CMTM7: variants seen among roughly 807,000 people sequenced by gnomAD.
CMTM7 encodes the protein CKLF like MARVEL transmembrane domain containing 7.
CMTM7 carries 7 observed loss-of-function variants against 19.3 expected under a neutral mutation model. That is an observed-to-expected ratio of 0.36 (90% confidence interval 0.21 to 0.68). The LOEUF (loss-of-function observed/expected upper bound fraction) is 0.68, where lower values mean the gene tolerates loss of function less well. Among genes scored for constraint, CMTM7 ranks in the 30% least tolerant of loss-of-function variants. The pLI is 0.60. For synonymous variants in CMTM7, 87 were observed against 99.3 expected (o/e 0.88, Z 0.74); for missense variants, 193 against 232.6 (o/e 0.83, Z 1.11).
Position 32,452,081 on chromosome 3 carries a change from T to C in CMTM7, c.433-311T>C, listed in dbSNP as rs529940504. ...TTTGGTCCAGGATAATCAAAGTCCA[T>C]TGGCTTAGCCCCAGCTTGCTTGTAA... On this transcript the variant is annotated intron_variant, in intron 3 of 4. Coordinates refer to ENST00000334983, the MANE Select transcript of CMTM7 (RefSeq NM_138410.4). 5 of 1,396,012 alleles carry C rather than the reference T, an allele frequency of 3.6e-6. No homozygotes were observed. In the South Asian group the frequency reaches 4.9e-5, roughly 14 times the overall value. The allele number at this position is 1,396,012 out of a possible 1,614,324, so 86.5% of individuals were successfully genotyped here.
intron 2 of CMTM7, among the ~76,000 whole-genome samples, chr3:32,445,338 G>T (rs138141169): frequency 0.021 from 3,256 of 152,152 alleles, 80 homozygotes; most frequent in Admixed American, 0.075. Context: ...TATAACATTG[G>T]GTGTGAGTGT....
chr3:32,452,333 A>T, intron 3 of CMTM7, 59 bp from the exon 4 acceptor site: 2 of 1,613,610 alleles, frequency 1.2e-6, no homozygotes, highest in Non-Finnish European at 1.7e-6. Context: ...AGCAGACAGG[A>T]TTGCCCGAGT....
intron 1 of CMTM7, among the ~76,000 whole-genome samples, chr3:32,430,755 G>A (rs1696506570): frequency 7.0e-6 from 1 of 143,744 alleles, no homozygotes; most frequent in South Asian, 2.2e-4. Context: ...TGAGTGTAAA[G>A]CCCCTACTTG....
intron 1 of CMTM7, among the ~76,000 whole-genome samples, chr3:32,420,659 T>C (rs903218031): frequency 2.0e-5 from 3 of 152,210 alleles, no homozygotes; most frequent in African/African-American, 7.2e-5. Flanking sequence ...GTCCACGCCA[T>C]AGTCCCACTG....
At chr3:32,450,109 A>G (rs1696808625) in intron 3 of CMTM7, among the ~76,000 whole-genome samples, 1 of 152,208 alleles carries the variant, frequency 6.6e-6, no homozygotes, top group Non-Finnish European at 1.5e-5. Context: ...ATATACATAC[A>G]TATATATGTA....
intron 2 of CMTM7, among the ~76,000 whole-genome samples, chr3:32,444,949 T>C (rs1268814370): frequency 6.6e-6 from 1 of 152,180 alleles, no homozygotes. Context: ...GTCTGAGCAT[T>C]TTATTCTTTT....
In CMTM7 at chr3:32,454,622, G is replaced by A. The variant is rs917708251; in HGVS notation, c.*368G>A. On this transcript the variant is annotated 3_prime_UTR_variant, in exon 5 of 5. Transcript: ENST00000334983. ...AAATCCCTTCTACTTCACTCCTCAG[G>A]GGAGTGAAGTGCCTTAAGAAACAAA... 3 of 414,194 alleles carry A rather than the reference G, an allele frequency of 7.2e-6. No individual in the cohort carries two copies. Among genetic ancestry groups the A allele is most frequent in the Non-Finnish European group, 9.2e-6 (2 of 216,952 alleles). 25.7% of individuals were successfully genotyped at this position (414,194 alleles called of 1,614,324 possible).
At chr3:32,445,707 G>A (rs1696744736) in intron 2 of CMTM7, among the ~76,000 whole-genome samples, 1 of 151,846 alleles carries the variant, frequency 6.6e-6, no homozygotes, top group Non-Finnish European at 1.5e-5. Context: ...GTAGAGATAA[G>A]GTCTCCCTAT....
chr3:32,453,005 A>G (rs1479648636), intron 4 of CMTM7, among the ~76,000 whole-genome samples: 5 of 140,776 alleles, frequency 3.6e-5, no homozygotes, highest in African/African-American at 1.3e-4. Context: ...TCCTGGGCTC[A>G]AGCAGTCCTC....
chr3:32,452,170 C>G, intron 3 of CMTM7: 2 of 1,506,386 alleles, frequency 1.3e-6, no homozygotes, highest in Non-Finnish European at 1.8e-6. Context: ...GGCTGCCAGC[C>G]CTGACCTGGC....
rs900233139 is a variant in CMTM7, at chr3:32,449,824, G to A, written c.432+272G>A. The stretch of plus-strand genomic sequence containing the variant: ...CACTACTGAAATCAGGGGGCCAGGC[G>A]GGTTTTAATTCACACACCCACTCTG... On this transcript the variant is annotated intron_variant, in intron 3 of 4. Transcript: ENST00000334983. This position sits in a 1 kb window ranked among gnomAD's most constrained non-coding sequence, Gnocchi z 4.5. 3.3e-5 allele frequency among the ~76,000 whole-genome samples: 5 copies of A among 152,230 alleles called. No homozygotes were observed. The highest frequency in any genetic ancestry group is 3.4e-3 in the Middle Eastern group (1 of 292).
chr3:32,393,304 G>A (rs1017363385), intron 1 of CMTM7, among the ~76,000 whole-genome samples: 1 of 152,156 alleles, frequency 6.6e-6, no homozygotes, highest in Non-Finnish European at 1.5e-5. Flanking sequence ...TTTCAGCAAC[G>A]TACAAAAAAA....
chr3:32,453,576 A>G (rs1696867430), intron 4 of CMTM7, among the ~76,000 whole-genome samples: 1 of 152,182 alleles, frequency 6.6e-6, no homozygotes, highest in Admixed American at 6.5e-5. Flanking sequence ...ATGGAATCCT[A>G]CACTGAGCCC....
At chr3:32,401,088 A>G (rs964791381) in intron 1 of CMTM7, among the ~76,000 whole-genome samples, 1 of 152,236 alleles carries the variant, frequency 6.6e-6, no homozygotes, top group Non-Finnish European at 1.5e-5. Flanking sequence ...TTAAGCTGTA[A>G]TCATATTTTT....
At chr3:32,415,286 T>C (rs2125627305) in intron 1 of CMTM7, among the ~76,000 whole-genome samples, 1 of 152,306 alleles carries the variant, frequency 6.6e-6, no homozygotes, top group Non-Finnish European at 1.5e-5. Flanking sequence ...CTCTAAAGGA[T>C]GAGAATGTCA....
intron 1 of CMTM7, among the ~76,000 whole-genome samples, chr3:32,405,954 G>A (rs916942882): frequency 6.6e-6 from 1 of 152,190 alleles, no homozygotes; most frequent in African/African-American, 2.4e-5. Context: ...TCAAGATTCA[G>A]AATGTACCAA....
At chr3:32,452,150 C>G (rs113570113) in intron 3 of CMTM7, 1 of 1,491,096 alleles carries the variant, frequency 6.7e-7, no homozygotes, top group Non-Finnish European at 8.9e-7. Flanking sequence ...GAGTGAAGAC[C>G]GAGAGGCCTG....
chr3:32,444,898 G>A (rs537903400), intron 2 of CMTM7, among the ~76,000 whole-genome samples: 10 of 152,298 alleles, frequency 6.6e-5, no homozygotes, highest in Admixed American at 5.9e-4. Context: ...CTACAGGCAT[G>A]AGCCACTGTG....
chr3:32,426,292 G>A (rs893309065), intron 1 of CMTM7, among the ~76,000 whole-genome samples: 1 of 152,054 alleles, frequency 6.6e-6, no homozygotes, highest in African/African-American at 2.4e-5. Flanking sequence ...TCTCTCAGTG[G>A]TTATATTTTC....
Sources: allele counts gnomAD v4.1 joint callset (sites outside exome capture counted in the v4.1 genomes callset), GRCh38; gene constraint gnomAD v4.1.1; non-coding constraint Gnocchi (gnomAD v3.1); transcripts MANE v1.5; gene names NCBI Gene and HGNC (gene_info 2026-07-23, HGNC 2026-07-21).